RMND1: variants seen among roughly 807,000 people sequenced by gnomAD.
The protein encoded by RMND1 is required for meiotic nuclear division 1 homolog, also known as required for meiotic nuclear division protein 1 homolog.
A neutral mutation model predicts 54.0 loss-of-function variants in RMND1; 41 were observed. The observed-to-expected ratio is 0.76, with a 90% CI of 0.59 to 0.98. RMND1 has a LOEUF of 0.98. Among genes scored for constraint, RMND1 ranks in the 50% least tolerant of loss-of-function variants. The probability of loss-of-function intolerance (pLI) is 0.00; values close to 1 mark genes in which losing one functional copy is unlikely to be tolerated. For synonymous variants in RMND1, 183 were observed against 181.7 expected, an observed-to-expected ratio of 1.01 and a Z score of -0.06; for missense variants, 457 against 532.0, an observed-to-expected ratio of 0.86 and a Z score of 1.39.
chr6:151,424,910 CAGAT>C (rs1040195084), intron 6 of RMND1, among the ~76,000 whole-genome samples: 2 of 152,044 alleles, frequency 1.3e-5, no homozygotes, highest in African/African-American at 4.8e-5. Flanking sequence ...ATGACAGCCT[CAGAT>C]GGAGGAAGGA....
intron 10 of RMND1, among the ~76,000 whole-genome samples, chr6:151,415,415 A>G (rs890466782): frequency 1.4e-4 from 21 of 152,170 alleles, no homozygotes; most frequent in African/African-American, 4.8e-4. Flanking sequence ...CAACTACTAA[A>G]TATCTATGCA....
intron 2 of RMND1, 93 bp from the exon 3 acceptor site, chr6:151,436,647 G>A: frequency 8.2e-7 from 1 of 1,213,212 alleles, no homozygotes; most frequent in East Asian, 2.4e-5. Context: ...ATTCTGCAAA[G>A]CTAGAACTCC....
chr6:151,409,925 G>GT (rs1377405130), intron 10 of RMND1, among the ~76,000 whole-genome samples: 1 of 152,176 alleles, frequency 6.6e-6, no homozygotes, highest in Non-Finnish European at 1.5e-5. Flanking sequence ...ATGACACTGT[G>GT]TAACTGCTCT....
intron 10 of RMND1, chr6:151,413,742 C>G (rs769897010): frequency 6.6e-6 from 1 of 152,226 alleles, no homozygotes; most frequent in Non-Finnish European, 1.5e-5. Flanking sequence ...ACTGTCAAAT[C>G]GGTGTCTAAT....
intron 2 of RMND1, among the ~76,000 whole-genome samples, chr6:151,437,620 T>C (rs1780649809): frequency 6.6e-6 from 1 of 152,252 alleles, no homozygotes; most frequent in African/African-American, 2.4e-5. Context: ...AACAAGTTTA[T>C]GAGTCACTAA....
At chr6:151,440,042 T>C (rs1780732385) in intron 2 of RMND1, among the ~76,000 whole-genome samples, 1 of 152,072 alleles carries the variant, frequency 6.6e-6, no homozygotes, top group African/African-American at 2.4e-5. Flanking sequence ...CTGCAACCTC[T>C]ACCCCCTGGA....
At chr6:151,406,839 T>G (rs890343691) in intron 10 of RMND1, among the ~76,000 whole-genome samples, 1 of 152,088 alleles carries the variant, frequency 6.6e-6, no homozygotes, top group Admixed American at 6.6e-5. Context: ...AACTGCACCA[T>G]GTTACGATTT....
intron 1 of RMND1, among the ~76,000 whole-genome samples, chr6:151,449,838 AC>A (rs1422355845): frequency 6.6e-6 from 1 of 152,132 alleles, no homozygotes; most frequent in East Asian, 1.9e-4. Flanking sequence ...TTTGGTGGAG[AC>A]GGGGTTTCGC....
At chr6:151,435,573 T>G (rs1310345276) in intron 3 of RMND1, among the ~76,000 whole-genome samples, 2 of 151,252 alleles carry the variant, frequency 1.3e-5, no homozygotes, top group African/African-American at 4.9e-5. Flanking sequence ...ACTAATCGTT[T>G]TATTATTATT....
intron 1 of RMND1, among the ~76,000 whole-genome samples, chr6:151,449,647 CTCTCCCTCTCCCCA>C (rs1562803343): frequency 2.0e-5 from 3 of 151,996 alleles, no homozygotes; most frequent in East Asian, 1.9e-4. Context: ...CCTCTCCCTC[CTCTCCCTCTCCCCA>C]CGGTCCCCCT....
At chr6:151,409,634 A>G (rs1197066355) in intron 10 of RMND1, among the ~76,000 whole-genome samples, 1 of 152,238 alleles carries the variant, frequency 6.6e-6, no homozygotes, top group African/African-American at 2.4e-5. Flanking sequence ...ATTCTAGTGG[A>G]AAATGGTACA....
chr6:151,404,950 C>G lies in RMND1; in HGVS notation c.*285G>C. The G allele has an allele frequency of 3.1e-6, 1 of 319,128 alleles. No individual in the cohort carries two copies. The highest frequency in any genetic ancestry group is 5.8e-6 in the Non-Finnish European group (1 of 173,556). The allele number at this position is 319,128 out of a possible 1,614,324, so 19.8% of individuals were successfully genotyped here. A position where few individuals can be genotyped will look rare whatever the true frequency, so the allele number is the denominator to read the frequency against. The stretch of plus-strand genomic sequence containing the variant: ...GTGGTGTGATCTTAGCTCACTGCAA[C>G]CTCCGCCTCCCAAGTTCAAGAGATT... On this transcript the variant is annotated 3_prime_UTR_variant, in exon 12 of 12. Coordinates refer to ENST00000444024, the MANE Select transcript of RMND1 (RefSeq NM_017909.4).
In RMND1 at chr6:151,412,254, G is replaced by A. The variant is rs191018288; in HGVS notation, c.1200+5025C>T. Among the ~76,000 whole-genome samples, 12 of 152,196 alleles carry A rather than the reference G, an allele frequency of 7.9e-5. No homozygotes were observed. The East Asian group carries it at 2.1e-3, about 27-fold the overall frequency. On this transcript the variant is annotated intron_variant, in intron 10 of 11. Coordinates refer to ENST00000444024, the MANE Select transcript of RMND1 (RefSeq NM_017909.4). ...TGACCTCAGGTGATCCACTCACCTC[G>A]GCCTCCCGAAGTGCTGGGATTACAG...
chr6:151,437,679 C>T (rs1780651333), intron 2 of RMND1, among the ~76,000 whole-genome samples: 2 of 152,190 alleles, frequency 1.3e-5, no homozygotes, highest in South Asian at 4.1e-4. Flanking sequence ...CCAATTCTTT[C>T]CCATTCTGTA....
At chr6:151,451,937 G>C (rs1781214817) in intron 1 of RMND1, 79 bp downstream of exon 1, 1 of 153,506 alleles carries the variant, frequency 6.5e-6, no homozygotes, top group African/African-American at 2.4e-5. Flanking sequence ...AACTGTACAC[G>C]TTCCGGGCGG....
intron 5 of RMND1, among the ~76,000 whole-genome samples, chr6:151,429,353 T>C (rs1780391230): frequency 1.3e-5 from 2 of 152,306 alleles, no homozygotes; most frequent in South Asian, 4.1e-4. Flanking sequence ...ACTCCTGGCC[T>C]CAAGATACCT....
rs202031550 is a variant in RMND1, at chr6:151,405,277, G to A, written c.1318-10C>T. 1.2e-6 allele frequency: 2 copies of A among 1,611,528 alleles called. No individual in the cohort carries two copies. Among genetic ancestry groups the A allele is most frequent in the Non-Finnish European group, 1.7e-6 (2 of 1,177,912 alleles). Reference sequence around the variant, plus strand: ...CCAGCTCAAACATTACCTTAGAATAGAAAGTGAGAATTATTTCATGACGGG... The same window carrying A: ...CCAGCTCAAACATTACCTTAGAATAAAAAGTGAGAATTATTTCATGACGGG... On this transcript the variant is annotated splice_polypyrimidine_tract_variant and intron_variant, in intron 11 of 11. Coordinates refer to ENST00000444024, the MANE Select transcript of RMND1 (RefSeq NM_017909.4).
At chr6:151,450,455 G>GGGGTCAGCCCCCCGCCC (rs71014587) in intron 1 of RMND1, among the ~76,000 whole-genome samples, 3 of 89,402 alleles carry the variant, frequency 3.4e-5, no homozygotes, top group East Asian at 8.4e-4. Context: ...GGAGGTGGGG[G>GGGGTCAGCCCCCCGCCC]GGCCAGCCCC....
At chr6:151,445,889 C>A in intron 1 of RMND1, 64 bp from the exon 2 acceptor site, 1 of 1,369,432 alleles carries the variant, frequency 7.3e-7, no homozygotes, top group Non-Finnish European at 9.6e-7. Flanking sequence ...TATAATATTT[C>A]CCTAGGTAGC....
Sources: gnomAD v4.1 joint callset for allele counts (sites outside exome capture counted in the v4.1 genomes callset) on GRCh38, gnomAD v4.1.1 for gene constraint, MANE v1.5 for transcripts, NCBI Gene and HGNC (gene_info 2026-07-23, HGNC 2026-07-21) for gene names.